ATP7A: variants seen among roughly 807,000 people sequenced by gnomAD.
The protein encoded by ATP7A is ATPase copper transporting alpha.
ATP7A carries 7 observed loss-of-function variants against 83.5 expected under a neutral mutation model. That is an observed-to-expected ratio of 0.08 (90% confidence interval 0.05 to 0.16). The LOEUF (loss-of-function observed/expected upper bound fraction) is 0.16. Ranked by LOEUF, ATP7A falls within the 10% of genes least tolerant of loss-of-function variation. The pLI, the probability that ATP7A is intolerant of heterozygous loss-of-function variation, is 1.00. For synonymous variants in ATP7A, 354 were observed against 395.2 expected, an observed-to-expected ratio of 0.90 and a Z score of 1.24; for missense variants, 940 against 1,120.8, an observed-to-expected ratio of 0.84 and a Z score of 2.30.
Position 78,046,604 on chromosome X carries a change from C to A in ATP7A, c.*34C>A. 5.0e-6 allele frequency: 6 copies of A among 1,197,705 alleles called. No homozygotes were observed. Among genetic ancestry groups the A allele is most frequent in the South Asian group, 1.8e-5 (1 of 56,619 alleles). ...GGAGAGTGCTGCCAGTTTAACTTGT[C>A]ATGCACTGACACAGCATTCATGATG... On this transcript the variant is annotated 3_prime_UTR_variant, in exon 23 of 23. Coordinates refer to ENST00000341514, the MANE Select transcript of ATP7A (RefSeq NM_000052.7).
chrX:77,963,137 A>G (rs1341263736), intron 1 of ATP7A: 1 of 137,250 alleles, frequency 7.3e-6, no homozygotes, highest in African/African-American at 3.2e-5. Flanking sequence ...ATCCTTTACA[A>G]AATTTAATTT....
intron 1 of ATP7A, among the ~76,000 whole-genome samples, chrX:77,966,239 C>T (rs781864608): frequency 8.9e-6 from 1 of 112,179 alleles, no homozygotes; most frequent in Admixed American, 9.5e-5. Flanking sequence ...CCTTACCATA[C>T]ACCATGTACA....
chrX:77,937,887 T>TCTCA (rs1557225182), intron 1 of ATP7A, among the ~76,000 whole-genome samples: 71 of 101,018 alleles, frequency 7.0e-4, no homozygotes, highest in Non-Finnish European at 1.3e-3. Flanking sequence ...TCTCTCTCTC[T>TCTCA]CACACACACA....
chrX:77,967,382 G>A lies in ATP7A; in HGVS notation c.-21-4239G>A, dbSNP rs184652097. On this transcript the variant is annotated intron_variant, in intron 1 of 22. Transcript: ENST00000341514. ...ACATTCCCACCAACAGTGTAAAAGC[G>A]TTCCTATTTCCCCACAGCCTCACCA... Among the ~76,000 whole-genome samples the A allele has an allele frequency of 8.7e-4, 97 of 111,909 alleles. No homozygotes were observed. In the East Asian group the frequency reaches 0.015, roughly 18 times the overall value.
At chrX:77,978,963 C>T (rs1260841224) in intron 2 of ATP7A, among the ~76,000 whole-genome samples, 1 of 110,731 alleles carries the variant, frequency 9.0e-6, no homozygotes, top group Non-Finnish European at 1.9e-5. Context: ...TCCCGAGTAG[C>T]TGGCATTACA....
chrX:77,953,498 T>C (rs1557227018), intron 1 of ATP7A, among the ~76,000 whole-genome samples: 2 of 111,839 alleles, frequency 1.8e-5, no homozygotes, highest in Non-Finnish European at 3.8e-5. Context: ...TTCAAGTAGT[T>C]GAATTCTACT....
At chrX:77,917,799 T>G (rs1227954812) in intron 1 of ATP7A, among the ~76,000 whole-genome samples, 1 of 112,072 alleles carries the variant, frequency 8.9e-6, no homozygotes, top group Non-Finnish European at 1.9e-5. Flanking sequence ...TTGAAGCATC[T>G]GGTCAGTTTT....
Position 77,989,353 on chromosome X carries a change from A to G in ATP7A, c.731A>G (p.Tyr244Cys). The G allele has an allele frequency of 8.3e-7, 1 of 1,211,696 alleles. No homozygotes were observed. Among genetic ancestry groups the G allele is most frequent in the Non-Finnish European group, 1.1e-6 (1 of 895,436 alleles). The change falls in exon 4 of 23, where the codon TAC (tyrosine) becomes TGC (cysteine). Residue 244 changes from tyrosine to cysteine, a missense_variant. Physicochemically the swap from Tyr to Cys is radical, Grantham distance 194. This residue lies in a region of ATP7A where 350 missense variants were observed against 432.8 expected (regional missense o/e 0.81). Transcript: ENST00000341514. The part of the protein sequence containing the change: ...FPAFVKKQPK[Y>C]LKLGAIDVER... ...GCATTTGTCAAAAAGCAGCCCAAGT[A>G]CCTCAAATTGGGAGCTATTGATGTA...
chrX:77,968,797 A>T, intron 1 of ATP7A: 1 of 1,169,465 alleles, frequency 8.6e-7, no homozygotes, highest in Non-Finnish European at 1.2e-6. Flanking sequence ...TCAGTGTGAC[A>T]TGTGCAGGTG....
intron 14 of ATP7A, among the ~76,000 whole-genome samples, chrX:78,023,024 A>G (rs2077918427): frequency 9.0e-6 from 1 of 111,493 alleles, no homozygotes; most frequent in South Asian, 3.8e-4. Context: ...GCTCCTGCTT[A>G]TAAGTGAGAA....
At chrX:77,911,679 C>T in intron 1 of ATP7A, among the ~76,000 whole-genome samples, 1 of 110,358 alleles carries the variant, frequency 9.1e-6, no homozygotes, top group Non-Finnish European at 1.9e-5. Flanking sequence ...CAGTGTCTGA[C>T]ACACCTGTAA....
chrX:77,987,444 TTGTGTG>T lies in ATP7A; in HGVS notation c.121-760_121-755del, dbSNP rs3986431. ...AATCTTCTGACTCCCAACCCAGTAT[TTGTGTG>T]TGTGTGTGTGTGTGTGTGTGTGTGT... On this transcript the variant is annotated intron_variant, in intron 2 of 22. Transcript: ENST00000341514. Among the ~76,000 whole-genome samples the T allele has an allele frequency of 1.4e-3, 122 of 85,857 alleles. 1 individual carries two copies. The highest frequency in any genetic ancestry group is 4.7e-3 in the African/African-American group (107 of 22,720). 74.6% of individuals were successfully genotyped at this position (85,857 alleles called of 115,157 possible). A position where few individuals can be genotyped will look rare whatever the true frequency, so the allele number is the denominator to read the frequency against.
intron 20 of ATP7A, among the ~76,000 whole-genome samples, 147 bp from the exon 21 acceptor site, chrX:78,043,164 GCTGAGT>G (rs781830382): frequency 1.2e-4 from 13 of 112,612 alleles, no homozygotes; most frequent in African/African-American, 4.2e-4. Flanking sequence ...ACCTTCGGAA[GCTGAGT>G]CTAAGTTTTA....
At chrX:77,939,084 C>T (rs2077336360) in intron 1 of ATP7A, among the ~76,000 whole-genome samples, 1 of 111,351 alleles carries the variant, frequency 9.0e-6, no homozygotes, top group Non-Finnish European at 1.9e-5. Flanking sequence ...CAACTTCAGT[C>T]CAGGAGTTCG....
At chrX:78,003,945 A>T (rs1490180581) in intron 6 of ATP7A, among the ~76,000 whole-genome samples, 5 of 111,358 alleles carry the variant, frequency 4.5e-5, no homozygotes, top group Admixed American at 9.6e-5. Context: ...TTGTTTTTTT[A>T]AAAAAAGGAA....
chrX:77,974,395 C>T (rs1002487530), intron 2 of ATP7A, among the ~76,000 whole-genome samples: 9 of 111,288 alleles, frequency 8.1e-5, no homozygotes, highest in Middle Eastern at 9.2e-3. Flanking sequence ...CCGTCCACCT[C>T]GGCCTCTTAA....
Position 78,033,807 on chromosome X carries a change from A to G in ATP7A, c.3497A>G (p.Asp1166Gly), listed in dbSNP as rs1557237465. 8.3e-7 allele frequency: 1 copy of G among 1,208,823 alleles called. No homozygotes were observed. Residue 1166 changes from aspartate (D) to glycine (G), a missense_variant, in exon 17 of 23, where the codon GAT becomes GGT. Asp to Gly is a moderately conservative substitution (Grantham distance 94). Coordinates refer to ENST00000341514, the MANE Select transcript of ATP7A (RefSeq NM_000052.7). ...QSSTSSSMII[D>G]AQISNALNAQ... Reference sequence around the variant, plus strand: ...TCAACTTCGTCTTCCATGATTATTGATGCCCAGATCTCAAGTAAGCTAATT... The same window carrying G: ...TCAACTTCGTCTTCCATGATTATTGGTGCCCAGATCTCAAGTAAGCTAATT...
intron 22 of ATP7A, 47 bp downstream of exon 22, chrX:78,045,619 C>T (rs1413638613): frequency 9.7e-7 from 1 of 1,032,419 alleles, no homozygotes. Flanking sequence ...TTCCTGTTAT[C>T]ATCTAGTCAT....
chrX:78,046,191 A>C, intron 22 of ATP7A, 103 bp from the exon 23 acceptor site: 1 of 993,057 alleles, frequency 1.0e-6, no homozygotes, highest in South Asian at 2.0e-5. Flanking sequence ...ATTTCATACC[A>C]AAACTAAGTG....
Sources: gnomAD v4.1 joint callset for allele counts (sites outside exome capture counted in the v4.1 genomes callset) on GRCh38, gnomAD v4.1.1 for gene constraint, gnomAD v4.1.1 regional missense constraint, MANE v1.5 for transcripts, NCBI Gene and HGNC (gene_info 2026-07-23, HGNC 2026-07-21) for gene names.